The following SOX6 variants were observed in gnomAD, a reference collection of about 807,000 sequenced individuals.
SOX6 encodes SRY-box transcription factor 6, also known as transcription factor SOX-6.
SOX6 carries 11 observed loss-of-function variants against 97.8 expected under a neutral mutation model. The ratio of observed to expected loss-of-function variants is 0.11; its 90% confidence interval spans 0.07 to 0.19. SOX6 has a LOEUF of 0.19. SOX6 is among the 10% of genes least tolerant of loss of function. SOX6 has a pLI of 1.00. For synonymous variants in SOX6, 360 were observed against 371.4 expected, an observed-to-expected ratio of 0.97 and a Z score of 0.35; for missense variants, 810 against 1,039.5, an observed-to-expected ratio of 0.78 and a Z score of 3.04.
chr11:16,686,531 A>G (rs6486312), intron 3 of SOX6, among the ~76,000 whole-genome samples: 127,103 of 152,190 alleles, frequency 0.84, 53,172 homozygotes, highest in Middle Eastern at 0.91. Flanking sequence ...AGTGAACTTT[A>G]TTCCAGTTCC....
intron 3 of SOX6, among the ~76,000 whole-genome samples, chr11:16,706,688 T>C (rs1848139252): frequency 6.7e-6 from 1 of 150,068 alleles, no homozygotes; most frequent in Non-Finnish European, 1.5e-5. Context: ...GAGTTGGGTC[T>C]GGAGGGGGAG....
intron 2 of SOX6, among the ~76,000 whole-genome samples, chr11:16,327,710 A>C (rs919046695): frequency 6.6e-6 from 1 of 152,118 alleles, no homozygotes. Flanking sequence ...CAAGCAGAGG[A>C]GAACAGTGGG....
At chr11:16,368,807 A>G (rs1168168762) in intron 1 of SOX6, among the ~76,000 whole-genome samples, 3 of 152,198 alleles carry the variant, frequency 2.0e-5, no homozygotes, top group Non-Finnish European at 4.4e-5. Context: ...AGAGAATGGG[A>G]GAAAATTTTG....
intron 1 of SOX6, among the ~76,000 whole-genome samples, chr11:16,416,826 A>G (rs1858936595): frequency 6.6e-6 from 1 of 152,224 alleles, no homozygotes; most frequent in Non-Finnish European, 1.5e-5. Context: ...ATATCACAAT[A>G]GTGTCCCATA....
intron 15 of SOX6, among the ~76,000 whole-genome samples, chr11:15,980,959 C>G (rs1392842743): frequency 6.6e-6 from 1 of 151,986 alleles, no homozygotes; most frequent in Admixed American, 6.6e-5. Context: ...CTCTGAAACT[C>G]ATGTGTACAG....
chr11:16,426,015 G>T (rs539731005), intron 1 of SOX6, among the ~76,000 whole-genome samples: 19 of 151,818 alleles, frequency 1.3e-4, no homozygotes, highest in Non-Finnish European at 2.7e-4. Flanking sequence ...CCAGCACTTT[G>T]GGAGGCCGAG....
chr11:16,156,198 A>T (rs1238848434), intron 6 of SOX6, among the ~76,000 whole-genome samples: 1 of 151,998 alleles, frequency 6.6e-6, no homozygotes, highest in East Asian at 1.9e-4. Context: ...TATTGCACTC[A>T]TATTCACAGT....
At chr11:16,352,326 G>A (rs981749601) in intron 1 of SOX6, among the ~76,000 whole-genome samples, 1 of 151,842 alleles carries the variant, frequency 6.6e-6, no homozygotes, top group Non-Finnish European at 1.5e-5. Context: ...TGAAGAGATG[G>A]TTGAAAAGAT....
intron 1 of SOX6, among the ~76,000 whole-genome samples, chr11:16,455,777 T>C (rs569833408): frequency 6.6e-6 from 1 of 152,252 alleles, no homozygotes; most frequent in African/African-American, 2.4e-5. Context: ...AAAGTAATTT[T>C]TATAAAATAA....
chr11:16,180,897 G>A (rs1193958628), intron 6 of SOX6, among the ~76,000 whole-genome samples: 3 of 151,646 alleles, frequency 2.0e-5, no homozygotes, highest in African/African-American at 7.3e-5. Context: ...AAATAAACAT[G>A]GGAACTTTTA....
intron 1 of SOX6, among the ~76,000 whole-genome samples, chr11:16,456,768 A>T (rs532911960): frequency 1.3e-5 from 2 of 152,220 alleles, no homozygotes; most frequent in South Asian, 4.1e-4. Flanking sequence ...TCTTAACCAA[A>T]CATAGTTATT....
At position 16,648,697 on chromosome 11, in the gene SOX6, T is replaced by C. The variant is rs562605658; in HGVS notation, n.430-36437A>G. 4.6e-5 allele frequency among the ~76,000 whole-genome samples: 7 copies of C among 152,276 alleles called. No individual in the cohort carries two copies. The East Asian group carries it at 1.4e-3, about 29-fold the overall frequency. On this transcript the variant is annotated intron_variant and non_coding_transcript_variant, in intron 3 of 5. Coordinates refer to the SOX6 transcript ENST00000524520. ...TGAGAAGGAACTAGAAAAGTACTTCTGGTAATATGACAAAATAGGGTTCTA... is the reference window on the plus strand; with the variant it reads ...TGAGAAGGAACTAGAAAAGTACTTCCGGTAATATGACAAAATAGGGTTCTA...
chr11:16,442,257 T>C (rs1859517027), intron 1 of SOX6, among the ~76,000 whole-genome samples: 1 of 152,180 alleles, frequency 6.6e-6, no homozygotes, highest in African/African-American at 2.4e-5. Context: ...ACCCAAGCAA[T>C]TTCAAGTTGA....
intron 1 of SOX6, among the ~76,000 whole-genome samples, chr11:16,375,536 C>T (rs1380155681): frequency 6.6e-6 from 1 of 151,754 alleles, no homozygotes. Flanking sequence ...TGTCCTGGTC[C>T]TAAAGAATTC....
intron 2 of SOX6, among the ~76,000 whole-genome samples, chr11:16,332,659 T>C (rs960704518): frequency 1.3e-5 from 2 of 152,174 alleles, no homozygotes; most frequent in Non-Finnish European, 2.9e-5. Context: ...AAAATTTTAT[T>C]AGCAAAGGTT....
At chr11:16,349,703 AGGAAGGAAGGAAGAAGGAAG>A (rs756392539) in intron 1 of SOX6, among the ~76,000 whole-genome samples, 15,083 of 69,372 alleles carry the variant, frequency 0.22, 1,223 homozygotes, top group Admixed American at 0.31. Flanking sequence ...GAAGGAAGGA[AGGAAGGAAGGAAGAAGGAAG>A]GAAGGAAGGA....
chr11:16,601,283 C>A (rs958230394), intron 4 of SOX6, among the ~76,000 whole-genome samples: 2 of 152,154 alleles, frequency 1.3e-5, no homozygotes, highest in Non-Finnish European at 2.9e-5. Context: ...ATCCCATCTG[C>A]AAAACATCTT....
chr11:16,423,769 T>G (rs1243871166), intron 1 of SOX6, among the ~76,000 whole-genome samples: 4 of 152,044 alleles, frequency 2.6e-5, no homozygotes, highest in Non-Finnish European at 5.9e-5. Context: ...AGACATGAGA[T>G]CCATCCATGT....
At chr11:16,164,659 A>T (rs970540698) in intron 6 of SOX6, among the ~76,000 whole-genome samples, 1 of 151,994 alleles carries the variant, frequency 6.6e-6, no homozygotes, top group African/African-American at 2.4e-5. Context: ...CGTCTCTACT[A>T]AACTACAAAA....
Sources: allele counts gnomAD v4.1 joint callset (sites outside exome capture counted in the v4.1 genomes callset), GRCh38; gene constraint gnomAD v4.1.1; transcripts MANE v1.5; gene names NCBI Gene and HGNC (gene_info 2026-07-23, HGNC 2026-07-21).